FBN2: variants seen among roughly 807,000 people sequenced by gnomAD.
The protein encoded by FBN2 is fibrillin-2.
Under a neutral mutation model 355.6 loss-of-function variants are expected in FBN2, and 105 were observed. The ratio of observed to expected loss-of-function variants is 0.30; its 90% CI spans 0.25 to 0.35. The LOEUF (loss-of-function observed/expected upper bound fraction) is 0.35, where lower values mean the gene tolerates loss of function less well. Among genes scored for constraint, FBN2 ranks in the 10% least tolerant of loss-of-function variants. The pLI, the probability that FBN2 is intolerant of heterozygous loss-of-function variation, is 1.00. For synonymous variants in FBN2, 1,350 were observed against 1,301.2 expected (o/e 1.04, Z -0.81); for missense variants, 3,280 against 3,758.7 (o/e 0.87, Z 3.33).
chr5:128,296,815 G>C (rs1247285031), intron 48 of FBN2, among the ~76,000 whole-genome samples: 5 of 151,980 alleles, frequency 3.3e-5, no homozygotes, highest in Non-Finnish European at 7.4e-5. Flanking sequence ...TTTTTTGAAG[G>C]GTTTTTTGTG....
At chr5:128,518,453 G>A (rs935661968) in intron 5 of FBN2, among the ~76,000 whole-genome samples, 9 of 152,042 alleles carry the variant, frequency 5.9e-5, no homozygotes, top group African/African-American at 9.7e-5. Flanking sequence ...AGCTCTACTG[G>A]CTTCAGATAC....
rs146901298 is a variant in FBN2, at chr5:128,332,618, T to C, written c.4222+294A>G. Among the ~76,000 whole-genome samples the C allele has an allele frequency of 3.7e-3, 570 of 152,310 alleles. 2 individuals are homozygous for C. The highest frequency in any genetic ancestry group is 6.4e-3 in the African/African-American group (265 of 41,564). On this transcript the variant is annotated intron_variant, in intron 32 of 64. Transcript: ENST00000262464. ...CTCACTGATTACTTCTTTGAAAAGA[T>C]TGGAAGAACATACTAGTCATTTTTC... is the stretch of plus-strand genomic sequence containing the variant.
intron 11 of FBN2, among the ~76,000 whole-genome samples, chr5:128,389,280 G>T (rs1752448379): frequency 1.3e-5 from 2 of 152,224 alleles, no homozygotes; most frequent in African/African-American, 2.4e-5. Context: ...CTGTGGGCAA[G>T]TGCATGCCAG....
At chr5:128,350,233 A>G (rs1262591968) in intron 21 of FBN2, among the ~76,000 whole-genome samples, 2 of 152,186 alleles carry the variant, frequency 1.3e-5, no homozygotes, top group Non-Finnish European at 2.9e-5. Flanking sequence ...TTTTTCCTAC[A>G]ATTTCTTTTT....
intron 6 of FBN2, among the ~76,000 whole-genome samples, chr5:128,451,394 G>GTTA (rs1254686613): frequency 1.3e-5 from 2 of 152,036 alleles, no homozygotes; most frequent in African/African-American, 2.4e-5. Flanking sequence ...TATTATTATT[G>GTTA]TTATTATTAT....
At chr5:128,402,363 T>C (rs894826302) in intron 8 of FBN2, among the ~76,000 whole-genome samples, 1 of 152,138 alleles carries the variant, frequency 6.6e-6, no homozygotes, top group African/African-American at 2.4e-5. Context: ...CCTCTAATCA[T>C]TTTCTATCGC....
chr5:128,450,215 C>T (rs1754200715), intron 6 of FBN2, among the ~76,000 whole-genome samples: 1 of 152,100 alleles, frequency 6.6e-6, no homozygotes, highest in Non-Finnish European at 1.5e-5. Context: ...TACTCCACCT[C>T]ACTTAAGCAG....
intron 25 of FBN2, 32 bp downstream of exon 25, chr5:128,344,353 G>C (rs777644937): frequency 6.2e-7 from 1 of 1,612,658 alleles, no homozygotes; most frequent in South Asian, 1.1e-5. Flanking sequence ...GACAGCCAGA[G>C]TTTATCAAAT....
chr5:128,327,723 C>A (rs1750594381), intron 34 of FBN2, among the ~76,000 whole-genome samples: 1 of 152,038 alleles, frequency 6.6e-6, no homozygotes. Flanking sequence ...ACCGCAACCT[C>A]CGCCTCCAGG....
chr5:128,502,752 G>T (rs80302694), intron 5 of FBN2, among the ~76,000 whole-genome samples: 16,104 of 152,154 alleles, frequency 0.11, 1,022 homozygotes, highest in African/African-American at 0.18. Flanking sequence ...TTTATATAAT[G>T]TTGAAAGTAA....
rs558486737 is a variant in FBN2 at position 128,342,173 on chromosome 5, G to A, written c.3343+2212C>T. ...GTCATGATGGTAGATGAAACTCTGA[G>A]AGGCAAGACGCTGAGTAGAGGACTC... is the stretch of plus-strand genomic sequence containing the variant. On this transcript the variant is annotated intron_variant, in intron 25 of 64. Transcript: ENST00000262464. 2.6e-5 allele frequency among the ~76,000 whole-genome samples: 4 copies of A among 152,244 alleles called. No individual in the cohort carries two copies. The South Asian group carries it at 6.2e-4, about 24-fold the overall frequency.
intron 7 of FBN2, among the ~76,000 whole-genome samples, chr5:128,421,422 G>T (rs1405252218): frequency 6.6e-6 from 1 of 152,068 alleles, no homozygotes; most frequent in Admixed American, 6.6e-5. Context: ...GCAAGAATAA[G>T]GGGAAATGGC....
At position 128,338,033 on chromosome 5, in the gene FBN2, C is replaced by T. The variant is rs1750892586; in HGVS notation, c.3562G>A (p.Gly1188Arg). ...EGSFQCDCPL[G>R]HELSPSREDC... ...TCACGGGATGGTGACAGCTCGTGTC[C>T]CAGTGGGCAGTCACACTGAAAGCTG... The change falls in exon 27 of 65, where the codon GGA becomes AGA. Residue 1188 changes from glycine to arginine, a missense_variant. By Grantham distance (125) the Gly-to-Arg change is moderately radical. Around this residue, in one of 6 missense-constraint regions of FBN2, gnomAD observed 2,284 missense variants for 2,749.5 expected, o/e 0.83. Coordinates refer to ENST00000262464, the MANE Select transcript of FBN2 (RefSeq NM_001999.4). 6.2e-7 allele frequency: 1 copy of T among 1,613,936 alleles called. No homozygotes were observed. The highest frequency in any genetic ancestry group is 1.3e-5 in the African/African-American group (1 of 74,914).
rs1247317079 is a variant in FBN2, at chr5:128,431,886, C to T, written c.952+14595G>A. ...TCCAGCACAAGATGTTATTACCTTA[C>T]TGAGAATGGCACGCATTAAAACATA... On this transcript the variant is annotated intron_variant, in intron 7 of 64. Coordinates refer to ENST00000262464, the MANE Select transcript of FBN2 (RefSeq NM_001999.4). 3.3e-5 allele frequency among the ~76,000 whole-genome samples: 5 copies of T among 152,176 alleles called. No individual in the cohort carries two copies. The South Asian group carries it at 1.0e-3, about 31-fold the overall frequency.
chr5:128,289,938 T>G lies in FBN2; in HGVS notation c.6455A>C (p.Gln2152Pro). The G allele has an allele frequency of 3.8e-6, 6 of 1,597,538 alleles. No homozygotes were observed. The highest frequency in any genetic ancestry group is 5.1e-6 in the Non-Finnish European group (6 of 1,165,096). ...LCPKDDEVAF[Q>P]DLCPYGHGTV... Reference sequence around the variant, plus strand: ...TCCATGGCCATATGGACACAAATCCTGAAATGCAACTACAAAGAAAAATAC... The same window carrying G: ...TCCATGGCCATATGGACACAAATCCGGAAATGCAACTACAAAGAAAAATAC... Residue 2152 changes from glutamine to proline, a missense_variant, in exon 51 of 65, where the codon CAG (glutamine) becomes CCG (proline). Coordinates refer to ENST00000262464, the MANE Select transcript of FBN2 (RefSeq NM_001999.4).
chr5:128,471,591 G>A (rs150054493), intron 5 of FBN2, among the ~76,000 whole-genome samples: 66 of 152,158 alleles, frequency 4.3e-4, no homozygotes, highest in African/African-American at 1.6e-3. Flanking sequence ...CAAATATTAT[G>A]TACCTGTAAT....
chr5:128,286,650 G>A, intron 55 of FBN2, 68 bp downstream of exon 55: 1 of 1,567,970 alleles, frequency 6.4e-7, no homozygotes. Context: ...GATGATGTGG[G>A]AGTAGTGCCA....
chr5:128,448,496 G>T (rs1314665807), intron 6 of FBN2, among the ~76,000 whole-genome samples: 1 of 151,704 alleles, frequency 6.6e-6, no homozygotes, highest in African/African-American at 2.4e-5. Context: ...TAGTAGAGAT[G>T]GGGTTTCTCC....
chr5:128,288,701 C>T, intron 52 of FBN2, 144 bp from the exon 53 acceptor site: 2 of 919,022 alleles, frequency 2.2e-6, no homozygotes, highest in Non-Finnish European at 3.5e-6. Flanking sequence ...CCTTGGCTGG[C>T]TGGCAGCTAT....
Sources: gnomAD v4.1 joint callset for allele counts (sites outside exome capture counted in the v4.1 genomes callset) on GRCh38, gnomAD v4.1.1 for gene constraint, gnomAD v4.1.1 regional missense constraint, MANE v1.5 for transcripts, NCBI Gene and HGNC (gene_info 2026-07-23, HGNC 2026-07-21) for gene names.